BICD1: variants seen among roughly 807,000 people sequenced by gnomAD.
BICD1 encodes the protein protein bicaudal D homolog 1.
BICD1 carries 35 observed loss-of-function variants against 92.5 expected under a neutral mutation model. The ratio of observed to expected loss-of-function variants is 0.38; its 90% CI spans 0.29 to 0.50. The LOEUF is 0.50. BICD1 is among the 20% of genes least tolerant of loss of function. The probability of loss-of-function intolerance (pLI) is 0.93; values close to 1 mark genes in which losing one functional copy is unlikely to be tolerated. For missense variants in BICD1, 950 were observed against 1,189.8 expected (o/e 0.80, Z 2.97); for synonymous variants, 429 against 465.1 (o/e 0.92, Z 1.00).
At chr12:32,319,641 G>A (rs111329793) in intron 4 of BICD1, among the ~76,000 whole-genome samples, 1 of 151,730 alleles carries the variant, frequency 6.6e-6, no homozygotes, top group African/African-American at 2.4e-5. Flanking sequence ...GCAGTGACGT[G>A]ATCTTGGATC....
At chr12:32,214,955 G>A (rs961606305) in intron 1 of BICD1, among the ~76,000 whole-genome samples, 4 of 152,146 alleles carry the variant, frequency 2.6e-5, no homozygotes, top group Non-Finnish European at 5.9e-5. Context: ...GGGGCCGGTC[G>A]TGGTGGCTCA....
At chr12:32,107,654 TCTTC>T (rs1941536055) in intron 1 of BICD1, 110 bp downstream of exon 1, 1 of 1,168,582 alleles carries the variant, frequency 8.6e-7, no homozygotes, top group South Asian at 1.3e-5. Flanking sequence ...GACTGTTTTT[TCTTC>T]TAGGGCCCTT....
intron 1 of BICD1, among the ~76,000 whole-genome samples, chr12:32,152,451 C>A (rs11051819): frequency 0.026 from 3,891 of 152,140 alleles, 169 homozygotes; most frequent in African/African-American, 0.089. Context: ...GTCTTGAACT[C>A]CTGGCCTCAA....
At chr12:32,274,988 A>G (rs927602618) in intron 2 of BICD1, among the ~76,000 whole-genome samples, 1 of 137,334 alleles carries the variant, frequency 7.3e-6, no homozygotes, top group African/African-American at 2.8e-5. Flanking sequence ...TAGTCTTGGC[A>G]CATTGTAAAC....
intron 1 of BICD1, among the ~76,000 whole-genome samples, chr12:32,197,704 A>G (rs1329492382): frequency 6.6e-6 from 1 of 152,200 alleles, no homozygotes; most frequent in South Asian, 2.1e-4. Flanking sequence ...AAGATATTAT[A>G]AACTAGCTAG....
intron 2 of BICD1, among the ~76,000 whole-genome samples, chr12:32,234,861 T>A (rs1164141556): frequency 6.6e-6 from 1 of 151,874 alleles, no homozygotes; most frequent in East Asian, 2.0e-4. Context: ...ATTTTTATAT[T>A]TTTTGTAGAG....
chr12:32,131,611 A>T (rs565886344), intron 1 of BICD1, among the ~76,000 whole-genome samples: 1 of 152,360 alleles, frequency 6.6e-6, no homozygotes, highest in East Asian at 1.9e-4. Flanking sequence ...GTGGAATGTA[A>T]AACAACTCTG....
At chr12:32,318,729 C>T (rs1249493654) in intron 4 of BICD1, among the ~76,000 whole-genome samples, 1 of 152,164 alleles carries the variant, frequency 6.6e-6, no homozygotes, top group African/African-American at 2.4e-5. Flanking sequence ...TGGCGCATGC[C>T]TGTAATCCCA....
At chr12:32,368,744 A>T (rs2136333229) in intron 9 of BICD1, among the ~76,000 whole-genome samples, 1 of 152,256 alleles carries the variant, frequency 6.6e-6, no homozygotes, top group South Asian at 2.1e-4. Flanking sequence ...ACAAACAGGA[A>T]GAATATAAAG....
At chr12:32,136,769 G>A (rs764843869) in intron 1 of BICD1, among the ~76,000 whole-genome samples, 3 of 152,104 alleles carry the variant, frequency 2.0e-5, no homozygotes, top group Non-Finnish European at 2.9e-5. Context: ...AGTGAGTTTC[G>A]AGAGTAGGGG....
intron 1 of BICD1, among the ~76,000 whole-genome samples, chr12:32,155,598 C>T (rs545563447): frequency 2.0e-5 from 3 of 152,226 alleles, no homozygotes; most frequent in South Asian, 4.1e-4. Flanking sequence ...ACAAAGAGAT[C>T]GCTTTTGTTG....
intron 2 of BICD1, among the ~76,000 whole-genome samples, chr12:32,226,005 A>G (rs1012072217): frequency 9.2e-5 from 14 of 152,212 alleles, no homozygotes; most frequent in Admixed American, 9.2e-4. Context: ...TTCACTATTG[A>G]CTAAGAATAT....
chr12:32,164,944 TGGCTCATCTGGG>T (rs1943710317), intron 1 of BICD1, among the ~76,000 whole-genome samples: 1 of 152,174 alleles, frequency 6.6e-6, no homozygotes, highest in South Asian at 2.1e-4. Context: ...ACGGGTGAAG[TGGCTCATCTGGG>T]GTCATGCCCG....
intron 1 of BICD1, among the ~76,000 whole-genome samples, chr12:32,119,045 C>T (rs1942050205): frequency 6.6e-6 from 1 of 152,038 alleles, no homozygotes; most frequent in Non-Finnish European, 1.5e-5. Flanking sequence ...GCAGTCTTCC[C>T]CAGGAGGTGA....
At chr12:32,212,103 G>C (rs1387305672) in intron 1 of BICD1, among the ~76,000 whole-genome samples, 1 of 152,206 alleles carries the variant, frequency 6.6e-6, no homozygotes, top group Admixed American at 6.5e-5. Flanking sequence ...GATGGACATC[G>C]ATACTGGAAT....
At chr12:32,229,897 G>A (rs1338037898) in intron 2 of BICD1, among the ~76,000 whole-genome samples, 1 of 152,192 alleles carries the variant, frequency 6.6e-6, no homozygotes, top group Non-Finnish European at 1.5e-5. Flanking sequence ...AAAGCCTAGA[G>A]CAATTGATTT....
At chr12:32,315,376 A>G (rs1298731861) in intron 4 of BICD1, among the ~76,000 whole-genome samples, 1 of 152,136 alleles carries the variant, frequency 6.6e-6, no homozygotes, top group African/African-American at 2.4e-5. Flanking sequence ...GTTTTTTTGT[A>G]GCAATTTTTG....
intron 1 of BICD1, among the ~76,000 whole-genome samples, chr12:32,140,704 G>GTTT (rs1942888601): frequency 1.3e-5 from 2 of 152,242 alleles, no homozygotes; most frequent in Non-Finnish European, 2.9e-5. Flanking sequence ...TGTGTCTGTA[G>GTTT]ACAAAAAGCA....
intron 2 of BICD1, among the ~76,000 whole-genome samples, chr12:32,250,460 T>G (rs2136103167): frequency 6.6e-6 from 1 of 152,330 alleles, no homozygotes; most frequent in Non-Finnish European, 1.5e-5. Flanking sequence ...CTAGAAAACA[T>G]CATGCAATTT....
Sources: gnomAD v4.1 joint callset for allele counts (sites outside exome capture counted in the v4.1 genomes callset) on GRCh38, gnomAD v4.1.1 for gene constraint, MANE v1.5 for transcripts, NCBI Gene and HGNC (gene_info 2026-07-23, HGNC 2026-07-21) for gene names.